KCNMA1: variants seen among roughly 807,000 people sequenced by gnomAD.
The protein encoded by KCNMA1 is Calcium-activated potassium channel subunit alpha-1.
A neutral mutation model predicts 140.0 loss-of-function variants in KCNMA1; 29 were observed. The ratio of observed to expected loss-of-function variants is 0.21; its 90% CI spans 0.15 to 0.28. The LOEUF (loss-of-function observed/expected upper bound fraction) is 0.28, where lower values mean the gene tolerates loss of function less well. KCNMA1 is among the 10% of genes least tolerant of loss of function. The probability of loss-of-function intolerance (pLI) is 1.00; values close to 1 mark genes in which losing one functional copy is unlikely to be tolerated. For missense variants in KCNMA1, 880 were observed against 1,602.2 expected, an observed-to-expected ratio of 0.55 and a Z score of 7.70; for synonymous variants, 612 against 611.9, an observed-to-expected ratio of 1.00 and a Z score of 0.00.
At chr10:77,096,985 G>T (rs969797746) in intron 9 of KCNMA1, among the ~76,000 whole-genome samples, 2 of 152,132 alleles carry the variant, frequency 1.3e-5, no homozygotes, top group East Asian at 3.9e-4. Flanking sequence ...GAAGCAGGGC[G>T]TGGGGGGTTA....
intron 1 of KCNMA1, among the ~76,000 whole-genome samples, chr10:77,409,963 T>C: frequency 6.6e-6 from 1 of 152,062 alleles, no homozygotes; most frequent in South Asian, 2.1e-4. Flanking sequence ...AGCCCTAATC[T>C]GGTAACAGAG....
chr10:77,511,366 T>G (rs1244307989), intron 1 of KCNMA1, among the ~76,000 whole-genome samples: 2 of 152,220 alleles, frequency 1.3e-5, no homozygotes, highest in East Asian at 3.8e-4. Context: ...TCAAGTATAA[T>G]TCAGAACTTG....
chr10:77,165,956 C>T (rs1002413504), intron 5 of KCNMA1, among the ~76,000 whole-genome samples: 3 of 152,160 alleles, frequency 2.0e-5, no homozygotes, highest in African/African-American at 7.2e-5. Context: ...TTTTTCAGAA[C>T]AGTCTGGGGA....
At chr10:77,613,536 AGACCGCAGGCCGGCT>A (rs2087876732) in intron 1 of KCNMA1, among the ~76,000 whole-genome samples, 1 of 152,256 alleles carries the variant, frequency 6.6e-6, no homozygotes, top group Admixed American at 6.5e-5. Flanking sequence ...GAGGCGGTTC[AGACCGCAGGCCGGCT>A]CACATACAAC....
At chr10:77,576,349 C>T (rs1423239789) in intron 1 of KCNMA1, among the ~76,000 whole-genome samples, 2 of 152,224 alleles carry the variant, frequency 1.3e-5, no homozygotes, top group Admixed American at 6.5e-5. Context: ...CCCAGAAAGG[C>T]ACCCAGGTAT....
chr10:77,189,146 T>C (rs944348632), intron 3 of KCNMA1, among the ~76,000 whole-genome samples: 1 of 152,158 alleles, frequency 6.6e-6, no homozygotes, highest in Non-Finnish European at 1.5e-5. Flanking sequence ...TTTCTTACAG[T>C]TTCCCAGATA....
chr10:77,151,147 C>T (rs1047566904), intron 5 of KCNMA1, among the ~76,000 whole-genome samples: 5 of 149,034 alleles, frequency 3.4e-5, no homozygotes, highest in Non-Finnish European at 7.4e-5. Context: ...TTTCTTCTTT[C>T]TTTCTTTCTT....
At chr10:77,006,290 A>AG (rs1220200377) in intron 18 of KCNMA1, among the ~76,000 whole-genome samples, 1 of 152,164 alleles carries the variant, frequency 6.6e-6, no homozygotes, top group African/African-American at 2.4e-5. Flanking sequence ...CTGGGATGGA[A>AG]GAAAAAAAAC....
chr10:77,243,398 G>A (rs1481664370), intron 3 of KCNMA1, among the ~76,000 whole-genome samples: 3 of 152,172 alleles, frequency 2.0e-5, no homozygotes, highest in Admixed American at 6.5e-5. Context: ...GCCCTCTTGC[G>A]GTATAAACTC....
chr10:77,180,180 A>G (rs1411355065), intron 5 of KCNMA1, among the ~76,000 whole-genome samples: 1 of 152,220 alleles, frequency 6.6e-6, no homozygotes, highest in African/African-American at 2.4e-5. Context: ...CTCAGCCAGA[A>G]AAGGCAGCAC....
intron 1 of KCNMA1, among the ~76,000 whole-genome samples, chr10:77,477,019 C>G (rs1271607156): frequency 6.6e-6 from 1 of 152,150 alleles, no homozygotes; most frequent in Non-Finnish European, 1.5e-5. Flanking sequence ...AAAACGAAAA[C>G]CAGCAAGAGA....
intron 3 of KCNMA1, among the ~76,000 whole-genome samples, chr10:77,223,601 C>T (rs1185247758): frequency 3.3e-5 from 5 of 152,158 alleles, no homozygotes; most frequent in Admixed American, 1.3e-4. Context: ...AGGGTCAGAG[C>T]GATGGAGCTT....
intron 5 of KCNMA1, among the ~76,000 whole-genome samples, chr10:77,163,410 T>G (rs2098594445): frequency 6.6e-6 from 1 of 152,184 alleles, no homozygotes; most frequent in Non-Finnish European, 1.5e-5. Flanking sequence ...TATCAGGCCC[T>G]TTATGGAAGA....
chr10:77,541,768 G>A lies in KCNMA1; in HGVS notation c.378+95497C>T, dbSNP rs571785972. Reference sequence around the variant, plus strand: ...GAACACCTAGGGAACTCAAAGAAAAGGCCAGTGATTTGGCCCTACCCTAGA... The same window carrying A: ...GAACACCTAGGGAACTCAAAGAAAAAGCCAGTGATTTGGCCCTACCCTAGA... On this transcript the variant is annotated intron_variant, in intron 1 of 27. Coordinates refer to ENST00000286628, the MANE Select transcript of KCNMA1 (RefSeq NM_001161352.2). Among the ~76,000 whole-genome samples, 4 of 152,254 alleles carry A rather than the reference G, an allele frequency of 2.6e-5. No individual in the cohort carries two copies. In the South Asian group the frequency reaches 8.3e-4, roughly 32 times the overall value.
chr10:77,008,013 GTAGACTGCATT>G (rs1197676612), intron 18 of KCNMA1, among the ~76,000 whole-genome samples: 1 of 101,796 alleles, frequency 9.8e-6, no homozygotes, highest in African/African-American at 3.3e-5. Flanking sequence ...AGGCTACTCT[GTAGACTGCATT>G]GGGGGATGAA....
chr10:76,997,977 C>T (rs192198863), intron 19 of KCNMA1, among the ~76,000 whole-genome samples: 6 of 152,320 alleles, frequency 3.9e-5, no homozygotes, highest in Admixed American at 3.3e-4. Context: ...ATTTGCCTTA[C>T]TTTTCTGACA....
intron 1 of KCNMA1, among the ~76,000 whole-genome samples, chr10:77,542,168 C>T (rs1421354990): frequency 6.6e-6 from 1 of 152,178 alleles, no homozygotes; most frequent in Non-Finnish European, 1.5e-5. Context: ...TACCAAAAAC[C>T]ACAAGCACCT....
intron 25 of KCNMA1, among the ~76,000 whole-genome samples, chr10:76,907,499 G>T (rs1164519869): frequency 6.6e-6 from 1 of 152,222 alleles, no homozygotes; most frequent in Admixed American, 6.5e-5. Context: ...CTATGTGGTT[G>T]CACAGGGCTG....
chr10:76,901,419 AG>A (rs1369252855), intron 25 of KCNMA1: 2 of 152,204 alleles, frequency 1.3e-5, no homozygotes, highest in Non-Finnish European at 2.9e-5. Flanking sequence ...TTTTAAACAA[AG>A]GGCACTATAG....
Sources: gnomAD v4.1 joint callset for allele counts (sites outside exome capture counted in the v4.1 genomes callset) on GRCh38, gnomAD v4.1.1 for gene constraint, MANE v1.5 for transcripts, NCBI Gene and HGNC (gene_info 2026-07-23, HGNC 2026-07-21) for gene names.